FNIP1: variants seen among roughly 807,000 people sequenced by gnomAD.
The protein encoded by FNIP1 is folliculin interacting protein 1.
A neutral mutation model predicts 124.5 loss-of-function variants in FNIP1; 40 were observed. That is an observed-to-expected ratio of 0.32 (90% CI 0.25 to 0.42). The LOEUF (loss-of-function observed/expected upper bound fraction) is 0.42. Ranked by LOEUF, FNIP1 falls within the 10% of genes least tolerant of loss-of-function variation. The probability of loss-of-function intolerance (pLI) is 1.00; values close to 1 mark genes in which losing one functional copy is unlikely to be tolerated. For synonymous variants in FNIP1, 472 were observed against 470.6 expected (o/e 1.00, Z -0.04); for missense variants, 1,176 against 1,403.7 (o/e 0.84, Z 2.59).
intron 13 of FNIP1, among the ~76,000 whole-genome samples, chr5:131,674,344 G>C (rs953011318): frequency 7.2e-5 from 11 of 152,196 alleles, no homozygotes; most frequent in Non-Finnish European, 1.6e-4. Flanking sequence ...GGGGAGGTGA[G>C]GGGGGCAGGA....
intron 1 of FNIP1, among the ~76,000 whole-genome samples, chr5:131,749,808 C>T (rs1770808480): frequency 6.6e-6 from 1 of 152,032 alleles, no homozygotes; most frequent in Admixed American, 6.6e-5. Context: ...CACAGCAATA[C>T]GCTGTACAGG....
chr5:131,698,878 T>C (rs528621548), intron 11 of FNIP1, 39 bp downstream of exon 11: 1 of 1,520,384 alleles, frequency 6.6e-7, no homozygotes, highest in African/African-American at 1.4e-5. Context: ...CTGTGTACAC[T>C]ATGAATTACT....
chr5:131,749,770 T>C (rs867114603), intron 1 of FNIP1, among the ~76,000 whole-genome samples: 20 of 152,256 alleles, frequency 1.3e-4, no homozygotes, highest in Non-Finnish European at 1.8e-4. Context: ...ATACTTACCA[T>C]TGTGTTACAA....
chr5:131,779,615 G>C (rs529714111), intron 1 of FNIP1, among the ~76,000 whole-genome samples: 2 of 151,208 alleles, frequency 1.3e-5, no homozygotes, highest in Admixed American at 1.3e-4. Context: ...TTGAACCTGG[G>C]AGGCAGAGCT....
At chr5:131,763,444 A>C (rs1433158214) in intron 1 of FNIP1, among the ~76,000 whole-genome samples, 1 of 152,208 alleles carries the variant, frequency 6.6e-6, no homozygotes, top group East Asian at 1.9e-4. Flanking sequence ...TAAATGCCTT[A>C]CAGTTCTGTA....
chr5:131,671,369 T>C (rs969115763), intron 14 of FNIP1, 136 bp downstream of exon 14: 10 of 737,802 alleles, frequency 1.4e-5, no homozygotes, highest in Non-Finnish European at 1.9e-5. Context: ...CTCCTTCTTA[T>C]GAGTTAAGAG....
At chr5:131,710,488 A>G in intron 7 of FNIP1, 90 bp downstream of exon 7, 1 of 1,159,850 alleles carries the variant, frequency 8.6e-7, no homozygotes, top group Non-Finnish European at 1.2e-6. Flanking sequence ...CACCAACTGC[A>G]TTCATCTACT....
intron 1 of FNIP1, among the ~76,000 whole-genome samples, chr5:131,778,424 G>T (rs894387649): frequency 2.0e-5 from 3 of 151,414 alleles, no homozygotes; most frequent in East Asian, 1.9e-4. Context: ...ATCAGAGAAA[G>T]GCAAATCAAA....
intron 1 of FNIP1, among the ~76,000 whole-genome samples, chr5:131,791,860 A>T (rs942607760): frequency 3.6e-5 from 5 of 138,568 alleles, no homozygotes; most frequent in Non-Finnish European, 8.0e-5. Context: ...GCTTTTTTAA[A>T]AAATGTCATT....
At chr5:131,709,316 T>A in intron 7 of FNIP1, 44 bp from the exon 8 acceptor site, 2 of 1,516,700 alleles carry the variant, frequency 1.3e-6, no homozygotes, top group Non-Finnish European at 1.8e-6. Flanking sequence ...TATATTGCTA[T>A]TCAGGTGGAT....
chr5:131,701,184 T>C (rs1768890909), intron 10 of FNIP1, among the ~76,000 whole-genome samples: 1 of 152,274 alleles, frequency 6.6e-6, no homozygotes, highest in Middle Eastern at 3.4e-3. Flanking sequence ...CACACTCTTA[T>C]GAGAATCTAA....
In FNIP1 at chr5:131,704,162, T is replaced by C; in HGVS notation, c.1019A>G (p.Lys340Arg). Residue 340 changes from lysine to arginine, a missense_variant, in exon 10 of 18, where the codon AAA becomes AGA. By Grantham distance (26) the Lys-to-Arg change is conservative. This residue lies in a region of FNIP1 where 1,109 missense variants were observed against 1,288.5 expected (regional missense o/e 0.86). Coordinates refer to ENST00000510461, the MANE Select transcript of FNIP1 (RefSeq NM_133372.3). ...AAATTTGTTATTTTCATCTTCATCTTTGGACAATGAAAAGATTACCCCAAT... is the reference window on the plus strand; with the variant it reads ...AAATTTGTTATTTTCATCTTCATCTCTGGACAATGAAAAGATTACCCCAAT... ...IAIGVIFSLS[K>R]DEDENNKFNE... is the part of the protein sequence containing the mutation. The C allele has an allele frequency of 6.2e-7, 1 of 1,613,066 alleles. No homozygotes were observed. Among genetic ancestry groups the C allele is most frequent in the South Asian group, 1.1e-5 (1 of 91,042 alleles).
intron 1 of FNIP1, among the ~76,000 whole-genome samples, chr5:131,781,712 C>A (rs1338687500): frequency 6.6e-6 from 1 of 152,174 alleles, no homozygotes; most frequent in Non-Finnish European, 1.5e-5. Context: ...CATCTTGTCA[C>A]CAAAGAGCTC....
intron 1 of FNIP1, among the ~76,000 whole-genome samples, chr5:131,754,373 T>C (rs1770976907): frequency 6.6e-6 from 1 of 152,200 alleles, no homozygotes; most frequent in Non-Finnish European, 1.5e-5. Context: ...GGTAAGAGTT[T>C]ACTGAAGAAA....
chr5:131,733,430 GT>G (rs1770170444), intron 2 of FNIP1, among the ~76,000 whole-genome samples: 1 of 152,248 alleles, frequency 6.6e-6, no homozygotes, highest in Admixed American at 6.5e-5. Flanking sequence ...AATGCTTCCA[GT>G]TTTTGTCCAT....
intron 1 of FNIP1, among the ~76,000 whole-genome samples, chr5:131,759,531 C>A (rs1299756546): frequency 6.6e-6 from 1 of 152,120 alleles, no homozygotes; most frequent in Non-Finnish European, 1.5e-5. Flanking sequence ...AGAGACAAAT[C>A]AAAACCACAA....
chr5:131,750,709 C>T (rs751343903), intron 1 of FNIP1, among the ~76,000 whole-genome samples: 5 of 151,464 alleles, frequency 3.3e-5, no homozygotes, highest in Non-Finnish European at 7.4e-5. Context: ...GCCTCCTGAG[C>T]TTGAGAGACT....
chr5:131,771,045 G>A (rs1771616510), intron 1 of FNIP1, among the ~76,000 whole-genome samples: 2 of 152,024 alleles, frequency 1.3e-5, no homozygotes, highest in South Asian at 4.2e-4. Flanking sequence ...CCACTAACTC[G>A]TCATCTAGCA....
intron 3 of FNIP1, among the ~76,000 whole-genome samples, chr5:131,727,208 A>G (rs973690210): frequency 2.0e-5 from 3 of 151,994 alleles, no homozygotes; most frequent in Non-Finnish European, 2.9e-5. Flanking sequence ...ATCCTTGTTA[A>G]TTTTCTGTCT....
Sources: gnomAD v4.1 joint callset for allele counts (sites outside exome capture counted in the v4.1 genomes callset) on GRCh38, gnomAD v4.1.1 for gene constraint, gnomAD v4.1.1 regional missense constraint, MANE v1.5 for transcripts, NCBI Gene and HGNC (gene_info 2026-07-23, HGNC 2026-07-21) for gene names.